PYROXD2: variants seen among roughly 807,000 people sequenced by gnomAD.
PYROXD2 encodes pyridine nucleotide-disulphide oxidoreductase domain 2.
In PYROXD2, 69 loss-of-function variants were observed where a neutral mutation model predicts 71.1. The observed-to-expected ratio is 0.97, with a 90% CI of 0.80 to 1.19. The LOEUF is 1.19. Ranked by LOEUF, PYROXD2 falls within the 50% of genes most tolerant of loss-of-function variation. The pLI, the probability that PYROXD2 is intolerant of heterozygous loss-of-function variation, is 0.00. For synonymous variants in PYROXD2, 287 were observed against 302.7 expected (o/e 0.95, Z 0.54); for missense variants, 745 against 748.9 (o/e 0.99, Z 0.06).
chr10:98,394,821 G>C (rs540905977), intron 8 of PYROXD2, among the ~76,000 whole-genome samples: 7 of 152,192 alleles, frequency 4.6e-5, no homozygotes, highest in Admixed American at 4.6e-4. Context: ...AGAGGGAAGG[G>C]AAGAGGAGAG....
Position 98,401,220 on chromosome 10 carries a change from C to G in PYROXD2, c.316-963G>C, listed in dbSNP as rs139934218. 9.7e-3 allele frequency among the ~76,000 whole-genome samples: 1,384 copies of G among 142,904 alleles called. 27 individuals are homozygous for G. The highest frequency in any genetic ancestry group is 0.034 in the African/African-American group (1,270 of 37,518). The allele number at this position is 142,904 out of a possible 152,430, so 93.8% of individuals were successfully genotyped here. A position where few individuals can be genotyped will look rare whatever the true frequency, so the allele number is the denominator to read the frequency against. On this transcript the variant is annotated intron_variant, in intron 4 of 15. Coordinates refer to ENST00000370575, the MANE Select transcript of PYROXD2 (RefSeq NM_032709.3). ...GTGAGGCAAGATTGCCGCCACTGCA[C>G]TCCAGCCTGGGTGACAAAGCAAGAC...
intron 1 of PYROXD2, among the ~76,000 whole-genome samples, chr10:98,412,872 G>A (rs1030690433): frequency 1.1e-4 from 17 of 152,336 alleles, no homozygotes; most frequent in Admixed American, 6.5e-4. Context: ...GGCTGAGCAC[G>A]GAAGGAGGCA....
intron 1 of PYROXD2, among the ~76,000 whole-genome samples, chr10:98,412,117 G>A (rs948042508): frequency 3.3e-5 from 5 of 152,244 alleles, no homozygotes; most frequent in Admixed American, 1.3e-4. Flanking sequence ...ACCCTGCAGT[G>A]TGGCAAGGAT....
chr10:98,396,314 C>T (rs1362172529), intron 6 of PYROXD2, among the ~76,000 whole-genome samples: 2 of 152,184 alleles, frequency 1.3e-5, no homozygotes, highest in East Asian at 1.9e-4. Context: ...AGTCCACACC[C>T]AGGTCAGCAT....
intron 4 of PYROXD2, among the ~76,000 whole-genome samples, chr10:98,404,833 G>C (rs192769925): frequency 5.3e-5 from 8 of 152,330 alleles, no homozygotes; most frequent in Admixed American, 3.9e-4. Context: ...CACAGAATCA[G>C]ACTCGTGAGC....
At chr10:98,395,767 A>T (rs1335602892) in intron 6 of PYROXD2, among the ~76,000 whole-genome samples, 1 of 152,248 alleles carries the variant, frequency 6.6e-6, no homozygotes, top group Non-Finnish European at 1.5e-5. Flanking sequence ...TACTTAATAC[A>T]TTTAAGCAGT....
At chr10:98,388,555 GAGGGTA>G in intron 12 of PYROXD2, 47 bp from the exon 13 acceptor site, 3 of 1,480,624 alleles carry the variant, frequency 2.0e-6, no homozygotes, top group Non-Finnish European at 2.7e-6. Flanking sequence ...CAGCAGTGCG[GAGGGTA>G]GGGCATCCGA....
chr10:98,407,479 G>C (rs10883090), intron 4 of PYROXD2, 103 bp downstream of exon 4: 390,212 of 1,380,742 alleles, frequency 0.28, 60,641 homozygotes, highest in African/African-American at 0.47. Context: ...GAGCCCTCAG[G>C]GGCGGGCATC....
At chr10:98,401,224 A>C (rs1032042865) in intron 4 of PYROXD2, among the ~76,000 whole-genome samples, 1 of 136,318 alleles carries the variant, frequency 7.3e-6, no homozygotes, top group Non-Finnish European at 1.5e-5. Context: ...ACTGCACTCC[A>C]GCCTGGGTGA....
rs1842658829 is a variant in PYROXD2, at chr10:98,383,648, G to GT, written c.*149dup. On this transcript the variant is annotated 3_prime_UTR_variant, in exon 16 of 16. Coordinates refer to ENST00000370575, the MANE Select transcript of PYROXD2 (RefSeq NM_032709.3). Reference sequence around the variant, plus strand: ...GGCATAAGGTCAACTTGCACTAAATGTAACTCGTACGTTTTTTCTAAAATA... The same window carrying GT: ...GGCATAAGGTCAACTTGCACTAAATGTTAACTCGTACGTTTTTTCTAAAATA... 8 of 717,432 alleles carry GT rather than the reference G, an allele frequency of 1.1e-5. No individual in the cohort carries two copies. The East Asian group carries it at 2.0e-4, about 18-fold the overall frequency. The allele number at this position is 717,432 out of a possible 1,614,324, so 44.4% of individuals were successfully genotyped here.
chr10:98,386,979 GTGGGGGCT>G (rs1317262190), intron 14 of PYROXD2, among the ~76,000 whole-genome samples: 1 of 152,206 alleles, frequency 6.6e-6, no homozygotes, highest in Non-Finnish European at 1.5e-5. Context: ...GACCTTCTCA[GTGGGGGCT>G]GTCCTGCCTG....
intron 6 of PYROXD2, 53 bp downstream of exon 6, chr10:98,397,292 C>A: frequency 6.6e-7 from 1 of 1,507,500 alleles, no homozygotes. Context: ...AGACAATGGG[C>A]TCACCTCCTT....
chr10:98,397,404 T>G lies in PYROXD2; in HGVS notation c.566A>C (p.His189Pro). The G allele has an allele frequency of 3.7e-6, 6 of 1,613,402 alleles. No individual in the cohort carries two copies. Among genetic ancestry groups the G allele is most frequent in the Non-Finnish European group, 5.1e-6 (6 of 1,179,576 alleles). Residue 189 changes from histidine to proline, a missense_variant, in exon 6 of 16, where the codon CAT (histidine) becomes CCT (proline). Coordinates refer to ENST00000370575, the MANE Select transcript of PYROXD2 (RefSeq NM_032709.3). ...AAPVDMAAFQ[H>P]GSLLQRMRSL... Reference sequence around the variant, plus strand: ...CCTCATCCTTTGCAGCAAGGAGCCATGCTGGAAGGCCGCCATGTCCACGGG... The same window carrying G: ...CCTCATCCTTTGCAGCAAGGAGCCAGGCTGGAAGGCCGCCATGTCCACGGG...
chr10:98,395,318 A>AG (rs771222285), intron 7 of PYROXD2, 25 bp from the exon 8 acceptor site: 1 of 1,613,998 alleles, frequency 6.2e-7, no homozygotes, highest in South Asian at 1.1e-5. Flanking sequence ...AGCAGAGAGA[A>AG]GGGCTTAGGA....
chr10:98,397,205 C>T, intron 6 of PYROXD2, 140 bp downstream of exon 6: 1 of 1,160,628 alleles, frequency 8.6e-7, no homozygotes. Flanking sequence ...TCCAGGCTGC[C>T]CCTAATTGAT....
chr10:98,393,168 G>C lies in PYROXD2; in HGVS notation c.786-85C>G. 3 of 1,094,104 alleles carry C rather than the reference G, an allele frequency of 2.7e-6. No homozygotes were observed. The East Asian group carries it at 8.1e-5, about 29-fold the overall frequency. The allele number at this position is 1,094,104 out of a possible 1,614,324, so 67.8% of individuals were successfully genotyped here. A position where few individuals can be genotyped will look rare whatever the true frequency, so the allele number is the denominator to read the frequency against. On this transcript the variant is annotated intron_variant, in intron 8 of 15. Transcript: ENST00000370575. ...AGGTGCAACTATTCCTTTCCATCTT[G>C]ATCTTCAGCCCTTCCCTGCCACCAT...
chr10:98,406,953 A>T (rs923874351), intron 4 of PYROXD2, among the ~76,000 whole-genome samples: 1 of 151,578 alleles, frequency 6.6e-6, no homozygotes, highest in Non-Finnish European at 1.5e-5. Context: ...TAGCACCAAG[A>T]ACCCTTTTCT....
intron 8 of PYROXD2, 49 bp from the exon 9 acceptor site, chr10:98,393,132 C>T: frequency 7.1e-7 from 1 of 1,410,398 alleles, no homozygotes; most frequent in Non-Finnish European, 9.4e-7. Flanking sequence ...ATCTCATCTC[C>T]CCAGAGTTCC....
At chr10:98,395,648 A>T (rs550645398) in intron 6 of PYROXD2, among the ~76,000 whole-genome samples, 196 bp from the exon 7 acceptor site, 22 of 152,230 alleles carry the variant, frequency 1.4e-4, no homozygotes, top group Admixed American at 2.6e-4. Flanking sequence ...ACACATTTTT[A>T]ACATCTCTGA....
Sources: gnomAD v4.1 joint callset for allele counts (sites outside exome capture counted in the v4.1 genomes callset) on GRCh38, gnomAD v4.1.1 for gene constraint, MANE v1.5 for transcripts, NCBI Gene and HGNC (gene_info 2026-07-23, HGNC 2026-07-21) for gene names.